The following OSBP2 variants were observed in gnomAD, a reference collection of about 807,000 sequenced individuals.
OSBP2 encodes oxysterol binding protein 2, also known as oxysterol-binding protein 2.
Under a neutral mutation model 96.0 loss-of-function variants are expected in OSBP2, and 66 were observed. That is an observed-to-expected ratio of 0.69 (90% CI 0.56 to 0.84). OSBP2 has a LOEUF of 0.84. Among genes scored for constraint, OSBP2 ranks in the 40% least tolerant of loss-of-function variants. The pLI is 0.00. For missense variants in OSBP2, 1,038 were observed against 1,222.7 expected (o/e 0.85, Z 2.25); for synonymous variants, 525 against 520.9 (o/e 1.01, Z -0.11).
At chr22:30,771,429 A>G (rs2090346090) in intron 2 of OSBP2, among the ~76,000 whole-genome samples, 2 of 152,228 alleles carry the variant, frequency 1.3e-5, no homozygotes, top group African/African-American at 4.8e-5. Flanking sequence ...TGATGAGCAC[A>G]GGAAGGGCTG....
At chr22:30,747,685 A>G (rs2090021838) in intron 2 of OSBP2, among the ~76,000 whole-genome samples, 2 of 151,564 alleles carry the variant, frequency 1.3e-5, no homozygotes, top group Non-Finnish European at 1.5e-5. Flanking sequence ...TCCTTGCCCC[A>G]CCCACTGGGC....
At chr22:30,808,506 CA>C (rs1488977730) in intron 2 of OSBP2, among the ~76,000 whole-genome samples, 4 of 152,164 alleles carry the variant, frequency 2.6e-5, no homozygotes, top group African/African-American at 9.6e-5. Context: ...GACCCTGTCT[CA>C]AAAGAAAAAC....
At chr22:30,906,109 G>C (rs187922501) in intron 13 of OSBP2, 40 bp downstream of exon 13, 1 of 1,602,620 alleles carries the variant, frequency 6.2e-7, no homozygotes, top group Non-Finnish European at 8.5e-7. Flanking sequence ...GGGGAGGAAA[G>C]GGGTGCCCGG....
chr22:30,763,453 C>A (rs2090231163), intron 2 of OSBP2, among the ~76,000 whole-genome samples: 1 of 152,134 alleles, frequency 6.6e-6, no homozygotes, highest in African/African-American at 2.4e-5. Context: ...TCAAGACCAG[C>A]CTGGCCAACA....
chr22:30,869,922 T>C (rs544447003), intron 2 of OSBP2, among the ~76,000 whole-genome samples: 51 of 152,062 alleles, frequency 3.4e-4, no homozygotes, highest in Non-Finnish European at 5.6e-4. Context: ...GACAGATTGG[T>C]GTGGCTGGGG....
At chr22:30,821,161 G>A (rs1468457272) in intron 2 of OSBP2, among the ~76,000 whole-genome samples, 2 of 152,226 alleles carry the variant, frequency 1.3e-5, no homozygotes, top group East Asian at 3.8e-4. Context: ...CATACATAAG[G>A]CAGAGCGAAG....
At chr22:30,805,719 C>T (rs1164084300) in intron 2 of OSBP2, among the ~76,000 whole-genome samples, 1 of 152,162 alleles carries the variant, frequency 6.6e-6, no homozygotes, top group Non-Finnish European at 1.5e-5. Flanking sequence ...CTTGAGGTGG[C>T]CTAGGCCTGC....
At chr22:30,742,918 G>T (rs1299328328) in intron 2 of OSBP2, among the ~76,000 whole-genome samples, 2 of 152,224 alleles carry the variant, frequency 1.3e-5, no homozygotes, top group African/African-American at 4.8e-5. Flanking sequence ...TTGTCAAACT[G>T]CCTTCCACAG....
intron 2 of OSBP2, among the ~76,000 whole-genome samples, chr22:30,788,570 A>T (rs2090628749): frequency 6.6e-6 from 1 of 152,224 alleles, no homozygotes; most frequent in African/African-American, 2.4e-5. Flanking sequence ...CAGAGCTCCC[A>T]CAATTACATG....
chr22:30,842,596 C>T (rs533505674), intron 2 of OSBP2: 1 of 153,072 alleles, frequency 6.5e-6, no homozygotes, highest in South Asian at 2.1e-4. Context: ...AACCCTGCCA[C>T]TGCTTTTTCA....
chr22:30,758,096 T>G (rs1355508065), intron 2 of OSBP2, among the ~76,000 whole-genome samples: 1 of 152,150 alleles, frequency 6.6e-6, no homozygotes, highest in African/African-American at 2.4e-5. Flanking sequence ...AAGGTTTCAC[T>G]CTGCAGCTAT....
At chr22:30,730,808 A>ATATATATATATAT (rs1491303061) in intron 1 of OSBP2, among the ~76,000 whole-genome samples, 13 of 39,322 alleles carry the variant, frequency 3.3e-4, no homozygotes, top group African/African-American at 4.7e-4. Flanking sequence ...ATATATATAT[A>ATATATATATATAT]ATTTTTTTTT....
At chr22:30,739,236 C>T (rs1032874663) in intron 1 of OSBP2, among the ~76,000 whole-genome samples, 9 of 152,148 alleles carry the variant, frequency 5.9e-5, no homozygotes, top group East Asian at 1.9e-4. Context: ...CTTATAAGTC[C>T]GTTGTTATGA....
In OSBP2 at chr22:30,695,437, A is replaced by T. The variant is rs766220246; in HGVS notation, c.528A>T (p.Pro176=). 1.1e-5 allele frequency: 18 copies of T among 1,613,596 alleles called. No homozygotes were observed. The highest frequency in any genetic ancestry group is 1.4e-5 in the Non-Finnish European group (16 of 1,180,048). The stretch of plus-strand genomic sequence containing the variant: ...GGACTGGCACGACCTCCAGTGCCCC[A>T]CTGGCCTTACTGCCTCTGGACAGCT... ...MSGTGTTSSA[P]LALLPLDSFE... The change falls in exon 1 of 14, where the codon CCA becomes CCT. Residue 176 remains proline, a synonymous_variant. Coordinates refer to ENST00000332585, the MANE Select transcript of OSBP2 (RefSeq NM_030758.4).
intron 2 of OSBP2, among the ~76,000 whole-genome samples, chr22:30,783,170 T>C (rs1048539302): frequency 5.3e-5 from 8 of 150,472 alleles, no homozygotes; most frequent in Non-Finnish European, 5.9e-5. Context: ...GTCCTATTCA[T>C]TGGTATCTCG....
At chr22:30,797,956 G>A (rs554236617) in intron 2 of OSBP2, among the ~76,000 whole-genome samples, 1 of 152,224 alleles carries the variant, frequency 6.6e-6, no homozygotes, top group Non-Finnish European at 1.5e-5. Context: ...GCCCAGAAGT[G>A]GAATTGCTGG....
intron 3 of OSBP2, among the ~76,000 whole-genome samples, chr22:30,874,129 T>C (rs1179450647): frequency 6.6e-6 from 1 of 152,038 alleles, no homozygotes; most frequent in South Asian, 2.1e-4. Flanking sequence ...CTCAGCTACT[T>C]AGGAGGCTAA....
At chr22:30,831,531 A>C (rs1175822762) in intron 2 of OSBP2, among the ~76,000 whole-genome samples, 1 of 152,156 alleles carries the variant, frequency 6.6e-6, no homozygotes, top group Non-Finnish European at 1.5e-5. Context: ...TGGTCCCTGG[A>C]ACTGTCATCC....
chr22:30,893,327 G>A lies in OSBP2; in HGVS notation c.1990+85G>A, dbSNP rs868491741. 23 of 1,585,054 alleles carry A rather than the reference G, an allele frequency of 1.5e-5. No individual in the cohort carries two copies. The African/African-American group carries it at 2.7e-4, about 19-fold the overall frequency. ...TCTGGTGATGCAAAAGCCAGCTGGG[G>A]GCTTCCAAGGGAGACCTCCCTGTAG... On this transcript the variant is annotated intron_variant, in intron 9 of 13. Coordinates refer to ENST00000332585, the MANE Select transcript of OSBP2 (RefSeq NM_030758.4).
Sources: gnomAD v4.1 joint callset for allele counts (sites outside exome capture counted in the v4.1 genomes callset) on GRCh38, gnomAD v4.1.1 for gene constraint, MANE v1.5 for transcripts, NCBI Gene and HGNC (gene_info 2026-07-23, HGNC 2026-07-21) for gene names.